The following SHC3 variants were observed in gnomAD, a reference collection of about 807,000 sequenced individuals.
SHC3 encodes the protein SHC adaptor protein 3.
In SHC3, 15 loss-of-function variants were observed where a neutral mutation model predicts 60.4. The observed-to-expected ratio is 0.25, with a 90% confidence interval of 0.17 to 0.38. The LOEUF (loss-of-function observed/expected upper bound fraction) is 0.38. SHC3 is among the 10% of genes least tolerant of loss of function. SHC3 has a pLI of 1.00. For missense variants in SHC3, 677 were observed against 786.1 expected (o/e 0.86, Z 1.66); for synonymous variants, 294 against 325.9 (o/e 0.90, Z 1.05).
At chr9:89,070,155 CA>C (rs942273426) in intron 5 of SHC3, among the ~76,000 whole-genome samples, 6 of 152,066 alleles carry the variant, frequency 3.9e-5, no homozygotes, top group African/African-American at 1.4e-4. Flanking sequence ...CTATTGAACA[CA>C]AAAAAGTATA....
At chr9:89,112,747 A>G (rs1007349901) in intron 1 of SHC3, 121 bp from the exon 2 acceptor site, 27 of 764,110 alleles carry the variant, frequency 3.5e-5, no homozygotes, top group Non-Finnish European at 2.0e-5. Context: ...TTAACTTTAA[A>G]TTCTAGGGTG....
chr9:89,109,558 T>C (rs1422249840), intron 2 of SHC3: 1 of 985,370 alleles, frequency 1.0e-6, no homozygotes, highest in African/African-American at 1.7e-5. Context: ...TTGCCAAGCC[T>C]TCCAAGTGAA....
At chr9:89,080,880 C>A (rs542237143) in intron 2 of SHC3, among the ~76,000 whole-genome samples, 1 of 151,488 alleles carries the variant, frequency 6.6e-6, no homozygotes, top group African/African-American at 2.4e-5. Flanking sequence ...CATTCTTCTG[C>A]CTCAGCCTCC....
chr9:89,020,571 A>G (rs887526916), intron 11 of SHC3, among the ~76,000 whole-genome samples: 1 of 152,188 alleles, frequency 6.6e-6, no homozygotes, highest in African/African-American at 2.4e-5. Flanking sequence ...CTAGGGGGAC[A>G]CTAAACTATC....
chr9:89,051,648 C>T (rs373401955), intron 7 of SHC3, among the ~76,000 whole-genome samples: 153 of 152,168 alleles, frequency 1.0e-3, no homozygotes, highest in Non-Finnish European at 4.0e-4. Flanking sequence ...TCTTGTAGCA[C>T]GACTTTGGCT....
intron 2 of SHC3, chr9:89,110,461 A>T: frequency 5.1e-6 from 5 of 985,008 alleles, no homozygotes; most frequent in Non-Finnish European, 6.0e-6. Context: ...GAGTTTAATC[A>T]CAGGTATGTT....
intron 2 of SHC3, among the ~76,000 whole-genome samples, chr9:89,086,097 T>C (rs1201074660): frequency 6.6e-6 from 1 of 152,196 alleles, no homozygotes; most frequent in Admixed American, 6.5e-5. Flanking sequence ...AATGTTACCA[T>C]CATCAATATC....
chr9:89,147,505 T>C (rs1826487273), intron 1 of SHC3, among the ~76,000 whole-genome samples: 1 of 151,936 alleles, frequency 6.6e-6, no homozygotes, highest in South Asian at 2.1e-4. Flanking sequence ...CCTCCCTCCC[T>C]CTCCGCTTCC....
At chr9:89,144,289 A>G (rs1826437065) in intron 1 of SHC3, among the ~76,000 whole-genome samples, 1 of 152,222 alleles carries the variant, frequency 6.6e-6, no homozygotes, top group Non-Finnish European at 1.5e-5. Context: ...ACAGGAATGT[A>G]TTCATGTGTT....
chr9:89,033,035 A>T (rs1416833043), intron 11 of SHC3, among the ~76,000 whole-genome samples: 2 of 143,664 alleles, frequency 1.4e-5, no homozygotes, highest in Non-Finnish European at 3.0e-5. Context: ...ACCGAAGAAC[A>T]GTCATTAGTA....
At chr9:89,109,022 G>A (rs1174906636) in intron 2 of SHC3, 1 of 981,166 alleles carries the variant, frequency 1.0e-6, no homozygotes, top group African/African-American at 1.7e-5. Flanking sequence ...GACATTCTCT[G>A]AGGTTCCAAG....
chr9:89,139,776 T>G lies in SHC3; in HGVS notation c.475-27150A>C, dbSNP rs142033218. 6.4e-4 allele frequency among the ~76,000 whole-genome samples: 98 copies of G among 152,308 alleles called. No individual in the cohort carries two copies. In the East Asian group the frequency reaches 0.015, roughly 24 times the overall value. On this transcript the variant is annotated intron_variant, in intron 1 of 11. Coordinates refer to ENST00000375835, the MANE Select transcript of SHC3 (RefSeq NM_016848.6). Reference sequence around the variant, plus strand: ...ATTACAGTCAAAGCGTTGGTAAAATTACCAGTTTCTCCAATTCTGTCCTAT... The same window carrying G: ...ATTACAGTCAAAGCGTTGGTAAAATGACCAGTTTCTCCAATTCTGTCCTAT...
At chr9:89,077,101 C>T (rs1288074373) in intron 3 of SHC3, among the ~76,000 whole-genome samples, 2 of 151,588 alleles carry the variant, frequency 1.3e-5, no homozygotes, top group Non-Finnish European at 2.9e-5. Flanking sequence ...CGCTTGAACC[C>T]AGGAGGCGGA....
At chr9:89,163,607 G>A (rs1237496573) in intron 1 of SHC3, among the ~76,000 whole-genome samples, 13 of 103,854 alleles carry the variant, frequency 1.3e-4, no homozygotes, top group Admixed American at 1.2e-3. Context: ...GGTGGGGGGA[G>A]GGGGGAGGGA....
At chr9:89,024,911 G>T (rs1326512262) in intron 11 of SHC3, among the ~76,000 whole-genome samples, 2 of 152,212 alleles carry the variant, frequency 1.3e-5, no homozygotes, top group Non-Finnish European at 2.9e-5. Context: ...GAGAAGAGAG[G>T]TGTGGTGTGG....
intron 1 of SHC3, among the ~76,000 whole-genome samples, chr9:89,148,728 A>G (rs1826505052): frequency 6.6e-6 from 1 of 152,238 alleles, no homozygotes; most frequent in Non-Finnish European, 1.5e-5. Context: ...CAATTACACC[A>G]TTCAACATTG....
At chr9:89,051,710 C>A (rs1465468533) in intron 7 of SHC3, among the ~76,000 whole-genome samples, 1 of 152,146 alleles carries the variant, frequency 6.6e-6, no homozygotes, top group Non-Finnish European at 1.5e-5. Flanking sequence ...TAACATAGAC[C>A]CAAAGAGGTG....
chr9:89,115,470 A>G (rs530831488), intron 1 of SHC3, among the ~76,000 whole-genome samples: 2 of 152,290 alleles, frequency 1.3e-5, no homozygotes, highest in Non-Finnish European at 2.9e-5. Flanking sequence ...TTGTGTGACT[A>G]TCATGGCAAA....
intron 2 of SHC3, among the ~76,000 whole-genome samples, chr9:89,095,009 G>T (rs1363182195): frequency 1.3e-5 from 2 of 152,132 alleles, no homozygotes; most frequent in Non-Finnish European, 2.9e-5. Context: ...GGAGAAATAG[G>T]AACTTGTTGG....
Sources: allele counts gnomAD v4.1 joint callset (sites outside exome capture counted in the v4.1 genomes callset), GRCh38; gene constraint gnomAD v4.1.1; transcripts MANE v1.5; gene names NCBI Gene and HGNC (gene_info 2026-07-23, HGNC 2026-07-21).